Variants in SNX29 observed in about 807,000 individuals in gnomAD.
The protein encoded by SNX29 is sorting nexin 29, also known as sorting nexin-29.
Under a neutral mutation model 102.1 loss-of-function variants are expected in SNX29, and 78 were observed. The ratio of observed to expected loss-of-function variants is 0.76; its 90% CI spans 0.64 to 0.92. The LOEUF (loss-of-function observed/expected upper bound fraction) is 0.92. Among genes scored for constraint, SNX29 ranks in the 40% least tolerant of loss-of-function variants. The pLI is 0.00. For missense variants in SNX29, 1,280 were observed against 1,061.7 expected (o/e 1.21, Z -2.86); for synonymous variants, 580 against 414.5 (o/e 1.40, Z -4.85).
In SNX29 at chr16:11,979,526, G is replaced by T. The variant is rs117849091; in HGVS notation, c.7+2713G>T. ...AACTGGTACACGATAAAATAAAGTG[G>T]CATGGAAATATTTCCTCTTTCTTCT... On this transcript the variant is annotated intron_variant, in intron 1 of 20. Coordinates refer to ENST00000566228, the MANE Select transcript of SNX29 (RefSeq NM_032167.5). 5.6e-3 allele frequency among the ~76,000 whole-genome samples: 849 copies of T among 152,154 alleles called. 1 individual carries two copies. The highest frequency in any genetic ancestry group is 0.02 in the Middle Eastern group (6 of 294).
intron 14 of SNX29, among the ~76,000 whole-genome samples, chr16:12,269,905 G>A (rs537697675): frequency 6.6e-6 from 1 of 151,866 alleles, no homozygotes; most frequent in South Asian, 2.1e-4. Flanking sequence ...CTGTTGCCCA[G>A]GCTGGAGTGC....
chr16:12,376,667 G>A (rs975889628), intron 16 of SNX29, among the ~76,000 whole-genome samples: 22 of 145,978 alleles, frequency 1.5e-4, no homozygotes, highest in African/African-American at 5.3e-4. Context: ...AACCTGGGAG[G>A]CAGAGGTTGC....
chr16:12,202,538 A>G (rs928394974), intron 14 of SNX29, among the ~76,000 whole-genome samples: 4 of 152,350 alleles, frequency 2.6e-5, no homozygotes, highest in African/African-American at 9.6e-5. Flanking sequence ...CATATCTACC[A>G]GGAACTTGCC....
intron 8 of SNX29, among the ~76,000 whole-genome samples, chr16:12,054,818 A>G (rs1596712925): frequency 1.3e-5 from 2 of 152,344 alleles, no homozygotes; most frequent in African/African-American, 4.8e-5. Context: ...TGGCTAACGC[A>G]GTTGCCTTTC....
intron 17 of SNX29, among the ~76,000 whole-genome samples, chr16:12,402,277 T>A (rs2083976126): frequency 6.6e-6 from 1 of 152,230 alleles, no homozygotes; most frequent in South Asian, 2.1e-4. Flanking sequence ...TTATTGTCAT[T>A]GTGAAAATGA....
At chr16:12,425,249 G>C (rs2085017536) in intron 18 of SNX29, among the ~76,000 whole-genome samples, 1 of 152,204 alleles carries the variant, frequency 6.6e-6, no homozygotes, top group Admixed American at 6.5e-5. Context: ...TCAGGAGAGA[G>C]CAGAAAGCTG....
intron 20 of SNX29, among the ~76,000 whole-genome samples, chr16:12,541,895 T>C (rs1485973987): frequency 6.6e-6 from 1 of 152,200 alleles, no homozygotes; most frequent in Non-Finnish European, 1.5e-5. Context: ...TTTATGATGA[T>C]GCAACAGATG....
intron 13 of SNX29, among the ~76,000 whole-genome samples, chr16:12,172,767 G>T (rs773375781): frequency 6.6e-6 from 1 of 152,104 alleles, no homozygotes; most frequent in South Asian, 2.1e-4. Flanking sequence ...TCGATTTAAG[G>T]GACATGGGCA....
At chr16:12,401,450 T>C (rs7199183) in intron 17 of SNX29, among the ~76,000 whole-genome samples, 5,317 of 147,262 alleles carry the variant, frequency 0.036, 248 homozygotes, top group African/African-American at 0.1. Context: ...CTGCAACCTC[T>C]GCCTCCGGGT....
chr16:12,073,404 T>C (rs1044692729), intron 10 of SNX29, among the ~76,000 whole-genome samples: 218 of 152,348 alleles, frequency 1.4e-3, no homozygotes, highest in Non-Finnish European at 2.5e-3. Flanking sequence ...AGAACATCTT[T>C]ATTTCTGCCT....
rs759638291 is a variant in SNX29 at position 12,065,743 on chromosome 16, G to C, written c.1244-3314G>C. On this transcript the variant is annotated intron_variant, in intron 9 of 20. Coordinates refer to ENST00000566228, the MANE Select transcript of SNX29 (RefSeq NM_032167.5). ...CCCAGTCAGCTTATACGGGTTGTGT[G>C]CTGTTTGGGGTTCCTGGTTTTCTTT... 2.6e-5 allele frequency among the ~76,000 whole-genome samples: 4 copies of C among 152,146 alleles called. No individual in the cohort carries two copies. The East Asian group carries it at 7.7e-4, about 29-fold the overall frequency.
intron 1 of SNX29, among the ~76,000 whole-genome samples, chr16:11,978,035 A>G (rs377674186): frequency 9.9e-5 from 15 of 152,160 alleles, no homozygotes; most frequent in African/African-American, 2.7e-4. Context: ...GCTGTCTTCA[A>G]TTTTAACTTT....
rs1555512343 is a variant in SNX29 at position 11,984,383 on chromosome 16, A to AGAAAG, written c.7+7570_7+7571insGAAAG. ...CCCTCAGACCCTGTCTCAAAAAAAA[A>AGAAAG]AAAAGAAAAGATTGAGACTGATATA... On this transcript the variant is annotated intron_variant, in intron 1 of 20. Coordinates refer to ENST00000566228, the MANE Select transcript of SNX29 (RefSeq NM_032167.5). Among the ~76,000 whole-genome samples the AGAAAG allele has an allele frequency of 3.4e-5, 5 of 145,152 alleles. No individual in the cohort carries two copies. In the South Asian group the frequency reaches 1.1e-3, roughly 31 times the overall value.
intron 17 of SNX29, among the ~76,000 whole-genome samples, chr16:12,401,462 C>A (rs1222521829): frequency 7.0e-6 from 1 of 143,128 alleles, no homozygotes; most frequent in Non-Finnish European, 1.5e-5. Context: ...CCTCCGGGTT[C>A]AAGTGATTCT....
chr16:12,273,443 C>G (rs1483881874), intron 14 of SNX29, among the ~76,000 whole-genome samples: 5 of 151,720 alleles, frequency 3.3e-5, no homozygotes, highest in Non-Finnish European at 7.4e-5. Flanking sequence ...ACTGCAACCT[C>G]TGCCTCCCGG....
chr16:12,543,492 C>G (rs986120470), intron 20 of SNX29, among the ~76,000 whole-genome samples: 1 of 152,192 alleles, frequency 6.6e-6, no homozygotes, highest in African/African-American at 2.4e-5. Flanking sequence ...CCACAGCCAC[C>G]TGTGCTGGCG....
At chr16:12,089,892 T>C in intron 11 of SNX29, 1 of 328,614 alleles carries the variant, frequency 3.0e-6, no homozygotes, top group Non-Finnish European at 5.9e-6. Flanking sequence ...TGCTGAGGGC[T>C]CCCCTGTGTC....
chr16:12,143,641 T>C (rs553425239), intron 13 of SNX29, among the ~76,000 whole-genome samples: 2 of 152,190 alleles, frequency 1.3e-5, no homozygotes, highest in Non-Finnish European at 2.9e-5. Context: ...TTGAATACCC[T>C]GCGTAAGTAC....
At chr16:12,132,044 A>C (rs2054489387) in intron 13 of SNX29, among the ~76,000 whole-genome samples, 1 of 151,896 alleles carries the variant, frequency 6.6e-6, no homozygotes. Context: ...TAAAGTCTGA[A>C]GTCTTTAGAG....
Sources: allele counts gnomAD v4.1 joint callset (sites outside exome capture counted in the v4.1 genomes callset), GRCh38; gene constraint gnomAD v4.1.1; transcripts MANE v1.5; gene names NCBI Gene and HGNC (gene_info 2026-07-23, HGNC 2026-07-21).